Variants in AGAP1 observed in about 807,000 individuals in gnomAD.
AGAP1 encodes the protein ArfGAP with GTPase domain, ankyrin repeat and PH domain 1.
A neutral mutation model predicts 105.3 loss-of-function variants in AGAP1; 29 were observed. The ratio of observed to expected loss-of-function variants is 0.28; its 90% CI spans 0.21 to 0.38. AGAP1 has a LOEUF of 0.38. Ranked by LOEUF, AGAP1 falls within the 10% of genes least tolerant of loss-of-function variation. The probability of loss-of-function intolerance (pLI) is 1.00; values close to 1 mark genes in which losing one functional copy is unlikely to be tolerated. For synonymous variants in AGAP1, 509 were observed against 485.9 expected (o/e 1.05, Z -0.63); for missense variants, 998 against 1,165.1 (o/e 0.86, Z 2.09).
At position 235,781,618 on chromosome 2, in the gene AGAP1, G is replaced by A. The variant is rs189443153; in HGVS notation, c.674-16141G>A. On this transcript the variant is annotated intron_variant, in intron 6 of 17. Transcript: ENST00000304032. The stretch of plus-strand genomic sequence containing the variant: ...ATGCAGACAGTTTTTCACTGGACAC[G>A]TGTTCATTCCTAGATTCACAGTCTC... Among the ~76,000 whole-genome samples the A allele has an allele frequency of 1.2e-3, 183 of 152,214 alleles. 1 individual carries two copies. The highest frequency in any genetic ancestry group is 4.1e-3 in the African/African-American group (172 of 41,536).
rs2052061156 is a variant in AGAP1 at position 235,919,433 on chromosome 2, A to T, written c.1324+10527A>T. ...CTAGGGAGTGGTCAAACCCCGTAAC[A>T]TCCCAACCAGCAAACCTGTAAAACC... On this transcript the variant is annotated intron_variant, in intron 11 of 17. Transcript: ENST00000304032. This position sits in a 1 kb window ranked among gnomAD's most constrained non-coding sequence, Gnocchi z 4.1. 6.6e-6 allele frequency among the ~76,000 whole-genome samples: 1 copy of T among 152,204 alleles called. No individual in the cohort carries two copies. The highest frequency in any genetic ancestry group is 2.1e-4 in the South Asian group (1 of 4,822).
chr2:236,090,697 G>T lies in AGAP1; in HGVS notation c.2115-29495G>T, dbSNP rs948455475. ...CAGCTTGCAAACATAATCCTTCCTT[G>T]TTTTTCTTTTGTTGGTGGTGGTTGT... On this transcript the variant is annotated intron_variant, in intron 16 of 17. Transcript: ENST00000304032. This position sits in a 1 kb window ranked among gnomAD's most constrained non-coding sequence, Gnocchi z 4.3. Among the ~76,000 whole-genome samples the T allele has an allele frequency of 3.3e-5, 5 of 152,030 alleles. No homozygotes were observed. Among genetic ancestry groups the T allele is most frequent in the Admixed American group, 6.6e-5 (1 of 15,258 alleles).
rs371828752 is a variant in AGAP1 at position 235,913,467 on chromosome 2, T to G, written c.1324+4561T>G. ...GAATTTTTTTTCTTTCCCTATTAAT[T>G]CCATATGTTGCCTTTGTTGTAGAAC... On this transcript the variant is annotated intron_variant, in intron 11 of 17. Transcript: ENST00000304032. Among the ~76,000 whole-genome samples, 9 of 152,324 alleles carry G rather than the reference T, an allele frequency of 5.9e-5. No individual in the cohort carries two copies. In the East Asian group the frequency reaches 1.3e-3, roughly 23 times the overall value.
In AGAP1 at chr2:236,077,025, G is replaced by A. The variant is rs536235674; in HGVS notation, c.2114+27744G>A. Among the ~76,000 whole-genome samples the A allele has an allele frequency of 3.0e-3, 456 of 150,470 alleles. 2 individuals carry two copies. Among genetic ancestry groups the A allele is most frequent in the Non-Finnish European group, 5.0e-3 (341 of 67,688 alleles). ...CTCCAGAGGCTGAGGCGGGAGGATCGCTTGAGTCTGGGAGGAGGAGGTTGC... is the reference window on the plus strand; with the variant it reads ...CTCCAGAGGCTGAGGCGGGAGGATCACTTGAGTCTGGGAGGAGGAGGTTGC... On this transcript the variant is annotated intron_variant, in intron 16 of 17. Transcript: ENST00000304032.
chr2:235,767,971 G>A (rs528680386), intron 6 of AGAP1, among the ~76,000 whole-genome samples: 76 of 152,108 alleles, frequency 5.0e-4, no homozygotes, highest in African/African-American at 1.8e-3. Context: ...ATTTTTAGTA[G>A]AGACAGGGTT....
rs929191695 is a variant in AGAP1, at chr2:235,659,074, C to T, written c.164-50105C>T. ...CCGCCCTGCCAACTTCCACGCCAGC[C>T]TCCTTTTGCAAGTCCACCTGCCGTT... On this transcript the variant is annotated intron_variant, in intron 1 of 17. Transcript: ENST00000304032. The surrounding 1 kb of genome is among the most constrained non-coding windows in gnomAD (Gnocchi z 5.0). 1.1e-4 allele frequency among the ~76,000 whole-genome samples: 17 copies of T among 152,172 alleles called. No individual in the cohort carries two copies. The highest frequency in any genetic ancestry group is 4.1e-4 in the African/African-American group (17 of 41,438).
rs1387216628 is a variant in AGAP1 at position 236,062,799 on chromosome 2, T to A, written c.2114+13518T>A. 6.6e-6 allele frequency among the ~76,000 whole-genome samples: 1 copy of A among 151,778 alleles called. No homozygotes were observed. Among genetic ancestry groups the A allele is most frequent in the African/African-American group, 2.4e-5 (1 of 41,330 alleles). ...GCCTCAGCCTCCCAAGTAGCTGGGA[T>A]TACAGGCTCCCGCCACCTTACCCAG... On this transcript the variant is annotated intron_variant, in intron 16 of 17. Transcript: ENST00000304032. The surrounding 1 kb of genome is among the most constrained non-coding windows in gnomAD (Gnocchi z 4.2).
In AGAP1 at chr2:236,014,808, A is replaced by G. The variant is rs1280494224; in HGVS notation, c.1646-21753A>G. 12 of 456,236 alleles carry G rather than the reference A, an allele frequency of 2.6e-5. No homozygotes were observed. Among genetic ancestry groups the G allele is most frequent in the Non-Finnish European group, 5.4e-5 (12 of 221,740 alleles). The allele number at this position is 456,236 out of a possible 1,614,324, so 28.3% of individuals were successfully genotyped here. The stretch of plus-strand genomic sequence containing the variant: ...CCTTTCTGCTCTCGGGATGCAGCCA[A>G]ACGCAAAGCATGGAAACTAAACCGT... On this transcript the variant is annotated intron_variant, in intron 13 of 17. Transcript: ENST00000304032. The surrounding 1 kb of genome is among the most constrained non-coding windows in gnomAD (Gnocchi z 6.3).
chr2:235,869,044 A>G (rs1478485091), intron 9 of AGAP1, among the ~76,000 whole-genome samples: 1 of 152,164 alleles, frequency 6.6e-6, no homozygotes, highest in Non-Finnish European at 1.5e-5. Context: ...TTAGATCAAC[A>G]TTTGCCATTT....
chr2:235,677,959 C>CAAAAAAAAAAAAAAAA (rs1448333130), intron 1 of AGAP1, among the ~76,000 whole-genome samples: 5 of 67,344 alleles, frequency 7.4e-5, no homozygotes, highest in Non-Finnish European at 1.5e-4. Context: ...AAAAAAAAAG[C>CAAAAAAAAAAAAAAAA]AAAACCAGTT....
chr2:235,782,231 C>T (rs1259437978), intron 6 of AGAP1, among the ~76,000 whole-genome samples: 1 of 151,010 alleles, frequency 6.6e-6, no homozygotes, highest in African/African-American at 2.4e-5. Flanking sequence ...ACTTTGGCTA[C>T]TATATAGTAT....
intron 1 of AGAP1, among the ~76,000 whole-genome samples, chr2:235,598,999 C>A (rs1308185583): frequency 6.6e-6 from 1 of 152,118 alleles, no homozygotes; most frequent in Non-Finnish European, 1.5e-5. Flanking sequence ...CTCTTGTTGA[C>A]ATTTGCGTCT....
chr2:235,924,357 G>T (rs2052341436), intron 11 of AGAP1, among the ~76,000 whole-genome samples: 1 of 152,064 alleles, frequency 6.6e-6, no homozygotes, highest in Non-Finnish European at 1.5e-5. Flanking sequence ...ACTCTGCCTT[G>T]CGTTTGGGCC....
rs2149330376 is a variant in AGAP1 at position 235,655,216 on chromosome 2, A to C, written c.164-53963A>C. On this transcript the variant is annotated intron_variant, in intron 1 of 17. Transcript: ENST00000304032. This position sits in a 1 kb window ranked among gnomAD's most constrained non-coding sequence, Gnocchi z 4.3. ...AATTAATTAAATGTACAGAAGCTGG[A>C]AGGTAGACAGGTCGTTGTCTCCATT... Among the ~76,000 whole-genome samples the C allele has an allele frequency of 6.6e-6, 1 of 152,336 alleles. No homozygotes were observed. Among genetic ancestry groups the C allele is most frequent in the East Asian group, 1.9e-4 (1 of 5,178 alleles).
At chr2:236,068,956 G>A (rs532338697) in intron 16 of AGAP1, among the ~76,000 whole-genome samples, 127 of 151,528 alleles carry the variant, frequency 8.4e-4, no homozygotes, top group African/African-American at 3.0e-3. Context: ...GTGAAACCCC[G>A]TCTCTACTAA....
chr2:235,850,095 G>A (rs1962015134), intron 9 of AGAP1, among the ~76,000 whole-genome samples: 1 of 152,154 alleles, frequency 6.6e-6, no homozygotes, highest in Non-Finnish European at 1.5e-5. Context: ...TGGCCCCAGG[G>A]CTCTGCAGCC....
intron 6 of AGAP1, chr2:235,774,344 A>G: frequency 2.1e-6 from 1 of 470,616 alleles, no homozygotes; most frequent in Non-Finnish European, 4.4e-6. Context: ...GTGCTGCTGC[A>G]GAGGGAGTTC....
rs1380182214 is a variant in AGAP1 at position 235,965,530 on chromosome 2, C to T, written c.1484-2932C>T. ...GAACCTTGTCTGGAGAGGTCTGCAG[C>T]GGTTTTGAGCAGACCTGACCGAGCT... On this transcript the variant is annotated intron_variant, in intron 12 of 17. Transcript: ENST00000304032. The surrounding 1 kb of genome is among the most constrained non-coding windows in gnomAD (Gnocchi z 5.8). 3.3e-5 allele frequency among the ~76,000 whole-genome samples: 5 copies of T among 152,138 alleles called. No individual in the cohort carries two copies. The highest frequency in any genetic ancestry group is 7.4e-5 in the Non-Finnish European group (5 of 68,014).
chr2:235,550,531 C>T lies in AGAP1; in HGVS notation c.163+55682C>T, dbSNP rs550871833. Among the ~76,000 whole-genome samples the T allele has an allele frequency of 5.3e-5, 8 of 152,284 alleles. No individual in the cohort carries two copies. The South Asian group carries it at 1.2e-3, about 24-fold the overall frequency. On this transcript the variant is annotated intron_variant, in intron 1 of 17. Transcript: ENST00000304032. This position sits in a 1 kb window ranked among gnomAD's most constrained non-coding sequence, Gnocchi z 4.6. Reference sequence around the variant, plus strand: ...TAGAATGCCAGTTCTTGGGCCCCACCCCACACCTGCGACTCCAGACTCAGA... The same window carrying T: ...TAGAATGCCAGTTCTTGGGCCCCACTCCACACCTGCGACTCCAGACTCAGA...
Sources: gnomAD v4.1 joint callset for allele counts (sites outside exome capture counted in the v4.1 genomes callset) on GRCh38, gnomAD v4.1.1 for gene constraint, Gnocchi (gnomAD v3.1) non-coding constraint, MANE v1.5 for transcripts, NCBI Gene and HGNC (gene_info 2026-07-23, HGNC 2026-07-21) for gene names.